Variants in PGM2L1 observed in about 807,000 individuals in gnomAD.
PGM2L1 encodes the protein glucose 1,6-bisphosphate synthase.
PGM2L1 carries 35 observed loss-of-function variants against 73.4 expected under a neutral mutation model. The observed-to-expected ratio is 0.48, with a 90% CI of 0.36 to 0.63. The LOEUF (loss-of-function observed/expected upper bound fraction) is 0.63. Among genes scored for constraint, PGM2L1 ranks in the 30% least tolerant of loss-of-function variants. The pLI, the probability that PGM2L1 is intolerant of heterozygous loss-of-function variation, is 0.00. For synonymous variants in PGM2L1, 225 were observed against 253.8 expected (o/e 0.89, Z 1.08); for missense variants, 570 against 742.0 (o/e 0.77, Z 2.69).
At chr11:74,354,615 G>A (rs1862413865) in intron 5 of PGM2L1, 6 of 1,149,364 alleles carry the variant, frequency 5.2e-6, no homozygotes, top group Non-Finnish European at 7.8e-6. Context: ...GGGGCTTTGG[G>A]TTTGTCACAT....
intron 1 of PGM2L1, among the ~76,000 whole-genome samples, chr11:74,391,860 A>G (rs1009855867): frequency 6.6e-6 from 1 of 152,122 alleles, no homozygotes; most frequent in African/African-American, 2.4e-5. Context: ...CATGTATACA[A>G]TATGTTTTCT....
chr11:74,367,787 G>T (rs753137709), intron 5 of PGM2L1, among the ~76,000 whole-genome samples: 1 of 152,144 alleles, frequency 6.6e-6, no homozygotes, highest in Non-Finnish European at 1.5e-5. Context: ...GTCCCAAACT[G>T]AATTAATCAC....
At chr11:74,378,349 T>G (rs377699349) in intron 1 of PGM2L1, among the ~76,000 whole-genome samples, 130 of 152,206 alleles carry the variant, frequency 8.5e-4, no homozygotes, top group African/African-American at 2.7e-3. Flanking sequence ...ACTGACCTAT[T>G]ATATAAAATG....
rs1862067660 is a variant in PGM2L1 at position 74,334,780 on chromosome 11, T to C, written c.*1872A>G. ...TCTCTAATTACAGTGCTATCTCCCA[T>C]AAGCAATTTGTTTAGGTCTTGTTAT... On this transcript the variant is annotated 3_prime_UTR_variant, in exon 14 of 14. Coordinates refer to ENST00000298198, the MANE Select transcript of PGM2L1 (RefSeq NM_173582.6). 6.6e-6 allele frequency: 1 copy of C among 152,182 alleles called. No individual in the cohort carries two copies. The highest frequency in any genetic ancestry group is 2.1e-4 in the South Asian group (1 of 4,836). The allele number at this position is 152,182 out of a possible 1,614,324, so 9.4% of individuals were successfully genotyped here.
chr11:74,363,550 T>A (rs1181603068), intron 5 of PGM2L1, among the ~76,000 whole-genome samples: 1 of 151,996 alleles, frequency 6.6e-6, no homozygotes, highest in Non-Finnish European at 1.5e-5. Flanking sequence ...TCACCACCAA[T>A]CCCACAGAAA....
At chr11:74,343,295 T>G (rs779825778) in intron 10 of PGM2L1, 28 bp downstream of exon 10, 55 of 1,542,726 alleles carry the variant, frequency 3.6e-5, no homozygotes, top group Non-Finnish European at 4.8e-5. Context: ...TCAATCAAAT[T>G]TTGAAGATTT....
In PGM2L1 at chr11:74,342,467, C is replaced by G. The variant is rs151007979; in HGVS notation, c.1626G>C (p.Lys542Asn). Reference protein sequence around the residue: ...TTGYDSSQPNKKSVLPVSKNS... With the variant: ...TTGYDSSQPNNKSVLPVSKNS... Reference sequence around the variant, plus strand: ...AAAAAAAAAAGGTACTTACTGATTTCTTATTAGGCTGGCTACTGTCATATC... The same window carrying G: ...AAAAAAAAAAGGTACTTACTGATTTGTTATTAGGCTGGCTACTGTCATATC... The change falls in exon 12 of 14, where the codon AAG becomes AAC. Residue 542 changes from lysine (K) to asparagine (N), a missense_variant. Transcript: ENST00000298198. 2.3e-5 allele frequency: 33 copies of G among 1,456,190 alleles called. No individual in the cohort carries two copies. The highest frequency in any genetic ancestry group is 3.0e-5 in the Non-Finnish European group (33 of 1,099,330). The allele number at this position is 1,456,190 out of a possible 1,614,324, so 90.2% of individuals were successfully genotyped here. A position where few individuals can be genotyped will look rare whatever the true frequency, so the allele number is the denominator to read the frequency against.
chr11:74,366,358 TAA>T (rs779898779), intron 5 of PGM2L1, among the ~76,000 whole-genome samples: 29 of 83,478 alleles, frequency 3.5e-4, no homozygotes, highest in Non-Finnish European at 3.5e-4. Context: ...ACTTAAAGTA[TAA>T]AAAAAAAAAA....
intron 5 of PGM2L1, among the ~76,000 whole-genome samples, chr11:74,361,854 G>A (rs1260604486): frequency 2.0e-5 from 3 of 152,046 alleles, no homozygotes; most frequent in African/African-American, 4.8e-5. Flanking sequence ...GAGAAAAAAG[G>A]GTAAAAAGAA....
chr11:74,372,565 A>G (rs1006327369), intron 2 of PGM2L1, among the ~76,000 whole-genome samples: 6 of 152,224 alleles, frequency 3.9e-5, no homozygotes, highest in Non-Finnish European at 7.3e-5. Flanking sequence ...TTAGTTCTAC[A>G]TAAAAGATGG....
intron 1 of PGM2L1, among the ~76,000 whole-genome samples, chr11:74,379,618 T>C (rs1296631958): frequency 6.6e-6 from 1 of 152,046 alleles, no homozygotes; most frequent in Non-Finnish European, 1.5e-5. Flanking sequence ...AAGAACATAA[T>C]ATATATTAAA....
chr11:74,361,938 T>G (rs1193381043), intron 5 of PGM2L1, among the ~76,000 whole-genome samples: 2 of 152,078 alleles, frequency 1.3e-5, no homozygotes, highest in Non-Finnish European at 2.9e-5. Flanking sequence ...TACCTGAAAG[T>G]GACAGGGAGA....
chr11:74,347,551 A>C (rs1862285563), intron 6 of PGM2L1, among the ~76,000 whole-genome samples: 1 of 152,186 alleles, frequency 6.6e-6, no homozygotes, highest in African/African-American at 2.4e-5. Context: ...CAACTTCCTG[A>C]CCTGGACAGC....
At chr11:74,396,650 G>T (rs1431310048) in intron 1 of PGM2L1, among the ~76,000 whole-genome samples, 1 of 152,084 alleles carries the variant, frequency 6.6e-6, no homozygotes, top group Non-Finnish European at 1.5e-5. Flanking sequence ...TCCTGACCTC[G>T]TGATCCACCC....
chr11:74,378,827 G>T (rs1041991370), intron 1 of PGM2L1, among the ~76,000 whole-genome samples: 4 of 152,120 alleles, frequency 2.6e-5, no homozygotes, highest in Non-Finnish European at 4.4e-5. Context: ...TGTGCAGAAG[G>T]TTACACACCA....
chr11:74,333,856 G>C lies in PGM2L1; in HGVS notation c.*2796C>G, dbSNP rs1020339675. On this transcript the variant is annotated 3_prime_UTR_variant, in exon 14 of 14. Transcript: ENST00000298198. ...CAAAGCTTTAGAAAATTCCAGTTTT[G>C]ACTTTCATGCTCAATGAGAATGCAA... The C allele has an allele frequency of 2.0e-5, 3 of 152,096 alleles. No homozygotes were observed. The highest frequency in any genetic ancestry group is 2.9e-5 in the Non-Finnish European group (2 of 68,024). The allele number at this position is 152,096 out of a possible 1,614,324, so 9.4% of individuals were successfully genotyped here. A position where few individuals can be genotyped will look rare whatever the true frequency, so the allele number is the denominator to read the frequency against.
chr11:74,389,146 T>A (rs1022032477), intron 1 of PGM2L1, among the ~76,000 whole-genome samples: 2 of 152,114 alleles, frequency 1.3e-5, no homozygotes, highest in Non-Finnish European at 2.9e-5. Flanking sequence ...GTGCCTGTAG[T>A]CCCAGCCACT....
intron 1 of PGM2L1, among the ~76,000 whole-genome samples, chr11:74,383,659 C>T (rs1862978535): frequency 6.6e-6 from 1 of 151,770 alleles, no homozygotes; most frequent in Non-Finnish European, 1.5e-5. Context: ...CATGTGTTCT[C>T]ATTGTTCAGC....
At chr11:74,380,940 A>G (rs987266186) in intron 1 of PGM2L1, among the ~76,000 whole-genome samples, 39 of 152,210 alleles carry the variant, frequency 2.6e-4, no homozygotes, top group African/African-American at 9.2e-4. Flanking sequence ...CTATAATTCT[A>G]GAAGGTTTGG....
Sources: gnomAD v4.1 joint callset for allele counts (sites outside exome capture counted in the v4.1 genomes callset) on GRCh38, gnomAD v4.1.1 for gene constraint, MANE v1.5 for transcripts, NCBI Gene and HGNC (gene_info 2026-07-23, HGNC 2026-07-21) for gene names.